Variants in PRTG observed in about 807,000 individuals in gnomAD.
The protein encoded by PRTG is immunoglobulin superfamily, DCC subclass, member 5.
Under a neutral mutation model 122.5 loss-of-function variants are expected in PRTG, and 67 were observed. The observed-to-expected ratio is 0.55, with a 90% CI of 0.45 to 0.67. PRTG has a LOEUF of 0.67. Among genes scored for constraint, PRTG ranks in the 30% least tolerant of loss-of-function variants. PRTG has a pLI of 0.00. For synonymous variants in PRTG, 554 were observed against 501.1 expected (o/e 1.11, Z -1.41); for missense variants, 1,435 against 1,415.4 (o/e 1.01, Z -0.22).
chr15:55,708,586 C>T (rs2030244639), intron 2 of PRTG, among the ~76,000 whole-genome samples: 1 of 151,986 alleles, frequency 6.6e-6, no homozygotes, highest in Admixed American at 6.6e-5. Flanking sequence ...CTAGCCTGGG[C>T]GACAGAGCAA....
intron 2 of PRTG, among the ~76,000 whole-genome samples, chr15:55,686,770 G>A (rs368408174): frequency 3.3e-5 from 5 of 152,080 alleles, no homozygotes; most frequent in African/African-American, 1.2e-4. Flanking sequence ...TATAATTCAC[G>A]AAATACACCA....
chr15:55,627,542 G>A (rs570383219), intron 16 of PRTG, among the ~76,000 whole-genome samples: 33 of 140,446 alleles, frequency 2.3e-4, no homozygotes, highest in Non-Finnish European at 3.8e-4. Flanking sequence ...GGGTTTCACC[G>A]TGTTAGCCAG....
At chr15:55,632,581 C>T (rs948823651) in intron 15 of PRTG, among the ~76,000 whole-genome samples, 1 of 152,180 alleles carries the variant, frequency 6.6e-6, no homozygotes, top group Non-Finnish European at 1.5e-5. Context: ...TGCTCTTCCC[C>T]TCACTCCAAT....
intron 10 of PRTG, 94 bp from the exon 11 acceptor site, chr15:55,672,727 TTACCAAAAGG>T (rs2059479993): frequency 8.8e-6 from 8 of 906,132 alleles, no homozygotes; most frequent in Admixed American, 3.4e-5. Context: ...AAGCAAACAA[TTACCAAAAGG>T]TTCAATCCAA....
chr15:55,628,847 C>G lies in PRTG; in HGVS notation c.2781G>C (p.Lys927Asn). 6.2e-7 allele frequency: 1 copy of G among 1,613,692 alleles called. No homozygotes were observed. Among genetic ancestry groups the G allele is most frequent in the Non-Finnish European group, 8.5e-7 (1 of 1,179,750 alleles). Residue 927 changes from lysine to asparagine, a missense_variant, in exon 16 of 20, where the codon AAG (lysine) becomes AAC (asparagine). Lys to Asn is a moderately conservative substitution (Grantham distance 94, BLOSUM62 0). Coordinates refer to ENST00000389286, the MANE Select transcript of PRTG (RefSeq NM_173814.6). ...KETSESNQRP[K>N]RLDSADAKVY... ...CTTTGGCATCAGCAGAATCTAAACG[C>G]TTGGGCCTCTGATTTGATTCAGAGG... is the stretch of plus-strand genomic sequence containing the variant.
intron 2 of PRTG, among the ~76,000 whole-genome samples, chr15:55,694,410 A>G (rs2059621229): frequency 6.6e-6 from 1 of 151,690 alleles, no homozygotes; most frequent in African/African-American, 2.4e-5. Context: ...TTAACTTCTC[A>G]CTCTTTGGGT....
In PRTG at chr15:55,613,355, TC is replaced by T. The variant is rs2059128965; in HGVS notation, c.*6656del. The T allele has an allele frequency of 6.6e-6, 1 of 152,124 alleles. No individual in the cohort carries two copies. The allele number at this position is 152,124 out of a possible 1,614,324, so 9.4% of individuals were successfully genotyped here. A position where few individuals can be genotyped will look rare whatever the true frequency, so the allele number is the denominator to read the frequency against. On this transcript the variant is annotated 3_prime_UTR_variant, in exon 20 of 20. Transcript: ENST00000389286. ...ACCTGACTTTTTCAAGTCAATGAATTCCTGTTTGGAATATGGGAGCTACAGA... is the reference window on the plus strand; with the variant it reads ...ACCTGACTTTTTCAAGTCAATGAATTCTGTTTGGAATATGGGAGCTACAGA...
chr15:55,705,960 G>A (rs988221800), intron 2 of PRTG, among the ~76,000 whole-genome samples: 11 of 142,828 alleles, frequency 7.7e-5, no homozygotes, highest in Non-Finnish European at 3.0e-5. Flanking sequence ...CGATTCCCCT[G>A]CCTCAGCCTC....
At position 55,639,572 on chromosome 15, in the gene PRTG, A is replaced by G. The variant is rs1435354911; in HGVS notation, c.2324+70T>C. 4 of 1,371,852 alleles carry G rather than the reference A, an allele frequency of 2.9e-6. No individual in the cohort carries two copies. In the East Asian group the frequency reaches 6.9e-5, roughly 24 times the overall value. The allele number at this position is 1,371,852 out of a possible 1,614,324, so 85.0% of individuals were successfully genotyped here. The stretch of plus-strand genomic sequence containing the variant: ...AGCCCGAGCTGGGCCCAAGATGGTA[A>G]GAGGTAGAAGTTGGAGTGGGGGTGT... On this transcript the variant is annotated intron_variant, in intron 13 of 19. Coordinates refer to ENST00000389286, the MANE Select transcript of PRTG (RefSeq NM_173814.6).
intron 2 of PRTG, among the ~76,000 whole-genome samples, chr15:55,722,768 C>T (rs1294039982): frequency 2.8e-5 from 1 of 35,906 alleles, no homozygotes; most frequent in Non-Finnish European, 5.9e-5. Context: ...ACTTAAAACA[C>T]CACCACTAAC....
Position 55,639,785 on chromosome 15 carries a change from ATGG to A in PRTG, c.2178_2180del (p.His727del). ...ATGAGGTGTTAGCCTTCGCATAGAG[ATGG>A]TGGGGTGGTGGTGGAGGAGGGACCA... On this transcript the variant is annotated inframe_deletion, in exon 13 of 20. Transcript: ENST00000389286. 6.2e-7 allele frequency: 1 copy of A among 1,614,146 alleles called. No homozygotes were observed.
rs1193251023 is a variant in PRTG at position 55,620,038 on chromosome 15, TAA to T, written c.3425_3426del (p.Val1142AspfsTer23). The T allele has an allele frequency of 3.7e-6, 6 of 1,614,180 alleles. No homozygotes were observed. Among genetic ancestry groups the T allele is most frequent in the Middle Eastern group, 1.7e-4 (1 of 6,060 alleles). ...CAGAGGTTGGGGGGTGTGGTACTTA[TAA>T]CTGAGGACAGATGTATCTCATCGTT... is the stretch of plus-strand genomic sequence containing the variant. ...ESNDEIHLSS[V>X]ISTTPPNL is the part of the protein sequence containing the mutation. On this transcript the variant is annotated frameshift_variant, in exon 20 of 20. Coordinates refer to ENST00000389286, the MANE Select transcript of PRTG (RefSeq NM_173814.6). LOFTEE classifies it high-confidence loss of function.
chr15:55,624,284 A>G, intron 18 of PRTG, 58 bp downstream of exon 18: 1 of 1,506,238 alleles, frequency 6.6e-7, no homozygotes. Context: ...TACATTTTAC[A>G]CACACAGGGA....
At chr15:55,647,355 T>A (rs1288891422) in intron 11 of PRTG, among the ~76,000 whole-genome samples, 1 of 152,096 alleles carries the variant, frequency 6.6e-6, no homozygotes, top group Non-Finnish European at 1.5e-5. Flanking sequence ...TAAACATTTA[T>A]CAAGAGCCCA....
In PRTG at chr15:55,743,053, C is replaced by A. The variant is rs1456902602; in HGVS notation, c.-122G>T. The stretch of plus-strand genomic sequence containing the variant: ...CGCAGCCTGGCTCCCCGCTCCGGCT[C>A]CGGCACCGGCGTGGCGAGCGTCTCT... On this transcript the variant is annotated 5_prime_UTR_variant, in exon 1 of 20. Coordinates refer to ENST00000389286, the MANE Select transcript of PRTG (RefSeq NM_173814.6). The A allele has an allele frequency of 3.1e-6, 4 of 1,307,246 alleles. No individual in the cohort carries two copies. In the African/African-American group the frequency reaches 6.2e-5, roughly 20 times the overall value. The allele number at this position is 1,307,246 out of a possible 1,614,324, so 81.0% of individuals were successfully genotyped here.
chr15:55,725,998 C>T (rs1283662873), intron 2 of PRTG, among the ~76,000 whole-genome samples: 1 of 152,126 alleles, frequency 6.6e-6, no homozygotes, highest in African/African-American at 2.4e-5. Flanking sequence ...GGCTGGAGTG[C>T]AGTGGCGTGA....
In PRTG at chr15:55,613,357, C is replaced by T. The variant is rs2141698234; in HGVS notation, c.*6655G>A. 1 of 152,146 alleles carries T rather than the reference C, an allele frequency of 6.6e-6. No homozygotes were observed. The highest frequency in any genetic ancestry group is 1.5e-5 in the Non-Finnish European group (1 of 67,954). 9.4% of individuals were successfully genotyped at this position (152,146 alleles called of 1,614,324 possible). A position where few individuals can be genotyped will look rare whatever the true frequency, so the allele number is the denominator to read the frequency against. ...CTGACTTTTTCAAGTCAATGAATTCCTGTTTGGAATATGGGAGCTACAGAA... is the reference window on the plus strand; with the variant it reads ...CTGACTTTTTCAAGTCAATGAATTCTTGTTTGGAATATGGGAGCTACAGAA... On this transcript the variant is annotated 3_prime_UTR_variant, in exon 20 of 20. Transcript: ENST00000389286.
chr15:55,673,506 T>A lies in PRTG; in HGVS notation c.1717A>T (p.Thr573Ser). 1 of 1,614,136 alleles carries A rather than the reference T, an allele frequency of 6.2e-7. No individual in the cohort carries two copies. Among genetic ancestry groups the A allele is most frequent in the Non-Finnish European group, 8.5e-7 (1 of 1,180,024 alleles). Residue 573 changes from threonine to serine, a missense_variant, in exon 10 of 20, where the codon ACG becomes TCG. Transcript: ENST00000389286. ...SIQVLELPGT[T>S]HEYLLEGLKP... ...AGGCCTTCCAAAAGGTACTCATGCGTGGTCCCCGGGAGCTCCAGAACTTGG... is the reference window on the plus strand; with the variant it reads ...AGGCCTTCCAAAAGGTACTCATGCGAGGTCCCCGGGAGCTCCAGAACTTGG...
chr15:55,681,218 A>C (rs911342417), intron 4 of PRTG: 1 of 152,088 alleles, frequency 6.6e-6, no homozygotes, highest in Non-Finnish European at 1.5e-5. Flanking sequence ...TTATTTATAT[A>C]ATTATCTAAA....
Sources: allele counts gnomAD v4.1 joint callset (sites outside exome capture counted in the v4.1 genomes callset), GRCh38; gene constraint gnomAD v4.1.1; transcripts MANE v1.5; gene names NCBI Gene and HGNC (gene_info 2026-07-23, HGNC 2026-07-21).